Variants in MOCS3 observed in about 807,000 individuals in gnomAD.
MOCS3 encodes adenylyltransferase and sulfurtransferase MOCS3.
A neutral mutation model predicts 8.4 loss-of-function variants in MOCS3; 9 were observed. The observed-to-expected ratio is 1.07, with a 90% confidence interval of 0.65 to 1.87. MOCS3 has a LOEUF of 1.87. Ranked by LOEUF, MOCS3 falls within the 40% of genes most tolerant of loss-of-function variation. The pLI, the probability that MOCS3 is intolerant of heterozygous loss-of-function variation, is 0.00. For synonymous variants in MOCS3, 294 were observed against 272.0 expected (o/e 1.08, Z -0.80); for missense variants, 581 against 599.7 (o/e 0.97, Z 0.33).
At position 50,963,908 on chromosome 20, in the gene MOCS3, A is replaced by T. The variant is rs1987147649; in HGVS notation, c.*3683A>T. 6.6e-6 allele frequency: 1 copy of T among 152,224 alleles called. No individual in the cohort carries two copies. Among genetic ancestry groups the T allele is most frequent in the Admixed American group, 6.5e-5 (1 of 15,282 alleles). 9.4% of individuals were successfully genotyped at this position (152,224 alleles called of 1,614,324 possible). A position where few individuals can be genotyped will look rare whatever the true frequency, so the allele number is the denominator to read the frequency against. On this transcript the variant is annotated 3_prime_UTR_variant, in exon 1 of 1. Transcript: ENST00000244051. ...TGACAATCACGGAAGTGTATTCCAG[A>T]TACAATAGAAATGTACTCTGAGACA...
chr20:50,961,957 A>G lies in MOCS3; in HGVS notation c.*1732A>G, dbSNP rs1034644298. On this transcript the variant is annotated 3_prime_UTR_variant, in exon 1 of 1. Coordinates refer to ENST00000244051, the MANE Select transcript of MOCS3 (RefSeq NM_014484.5). ...AATAGCGACACACAGGAACAATTTC[A>G]TATTCTAAAGACTGAAGTCCTAAAG... is the stretch of plus-strand genomic sequence containing the variant. The G allele has an allele frequency of 6.6e-6, 1 of 152,226 alleles. No individual in the cohort carries two copies. Among genetic ancestry groups the G allele is most frequent in the Non-Finnish European group, 1.5e-5 (1 of 68,036 alleles). 9.4% of individuals were successfully genotyped at this position (152,226 alleles called of 1,614,324 possible).
chr20:50,959,815 C>G lies in MOCS3; in HGVS notation c.973C>G (p.Arg325Gly), dbSNP rs1485973137. ...TGGCTCCTCAGCCACTGATAAATGCCGCTCCCTGCAACTACTGAGCCCAGA... is the reference window on the plus strand; with the variant it reads ...TGGCTCCTCAGCCACTGATAAATGCGGCTCCCTGCAACTACTGAGCCCAGA... ...FCGSSATDKC[R>G]SLQLLSPEER... Residue 325 changes from arginine to glycine, a missense_variant, in exon 1 of 1, where the codon CGC becomes GGC. Arg to Gly is a moderately radical substitution (Grantham distance 125). Transcript: ENST00000244051. The G allele has an allele frequency of 9.3e-6, 15 of 1,614,242 alleles. No homozygotes were observed. The highest frequency in any genetic ancestry group is 1.3e-5 in the Non-Finnish European group (15 of 1,180,058).
rs569210727 is a variant in MOCS3 at position 50,959,707 on chromosome 20, C to G, written c.865C>G (p.Arg289Gly). Reference sequence around the variant, plus strand: ...CCTGAGAGGGCATTTCCGCTCTATTCGGCTGCGGAGCCGCAGGCTCGACTG... The same window carrying G: ...CCTGAGAGGGCATTTCCGCTCTATTGGGCTGCGGAGCCGCAGGCTCGACTG... ...DALRGHFRSI[R>G]LRSRRLDCAA... is the part of the protein sequence containing the mutation. Residue 289 changes from arginine (R) to glycine (G), a missense_variant, in exon 1 of 1, where the codon CGG (arginine) becomes GGG (glycine). Physicochemically the swap from Arg to Gly is moderately radical, Grantham distance 125. Transcript: ENST00000244051. 6.2e-7 allele frequency: 1 copy of G among 1,614,240 alleles called. No individual in the cohort carries two copies.
Position 50,959,699 on chromosome 20 carries a change from G to T in MOCS3, c.857G>T (p.Arg286Leu). 6.2e-7 allele frequency: 1 copy of T among 1,614,222 alleles called. No individual in the cohort carries two copies. The highest frequency in any genetic ancestry group is 8.5e-7 in the Non-Finnish European group (1 of 1,180,038). ...TTTGATGCCCTGAGAGGGCATTTCC[G>T]CTCTATTCGGCTGCGGAGCCGCAGG... is the stretch of plus-strand genomic sequence containing the variant. The part of the protein sequence containing the change: ...LLFDALRGHF[R>L]SIRLRSRRLD... The change falls in exon 1 of 1, where the codon CGC becomes CTC. Residue 286 changes from arginine to leucine, a missense_variant. Coordinates refer to ENST00000244051, the MANE Select transcript of MOCS3 (RefSeq NM_014484.5).
At position 50,959,247 on chromosome 20, in the gene MOCS3, G is replaced by A; in HGVS notation, c.405G>A (p.Gln135=). ...TGCATGGCGAGGCACTGGCTGGCCA[G>A]GCCAAGGCCTTTTCGGCCGCCGCCT... ...QVLHGEALAG[Q]AKAFSAAASL... is the part of the protein sequence containing the mutation. Residue 135 remains glutamine (Q), a synonymous_variant, in exon 1 of 1, where the codon CAG becomes CAA. Transcript: ENST00000244051. 6.2e-7 allele frequency: 1 copy of A among 1,610,750 alleles called. No homozygotes were observed. Among genetic ancestry groups the A allele is most frequent in the Non-Finnish European group, 8.5e-7 (1 of 1,179,388 alleles).
rs773283815 is a variant in MOCS3 at position 50,959,063 on chromosome 20, T to C, written c.221T>C (p.Val74Ala). ...CAGCTAGTGCTGCCCGAGCTGGGCGTGCACGGACAGCTGCGCCTGGGGACC... is the reference window on the plus strand; with the variant it reads ...CAGCTAGTGCTGCCCGAGCTGGGCGCGCACGGACAGCTGCGCCTGGGGACC... The part of the protein sequence containing the change: ...SRQLVLPELG[V>A]HGQLRLGTAC... The change falls in exon 1 of 1, where the codon GTG becomes GCG. Residue 74 changes from valine to alanine, a missense_variant. Transcript: ENST00000244051. The C allele has an allele frequency of 6.2e-7, 1 of 1,613,092 alleles. No homozygotes were observed. Among genetic ancestry groups the C allele is most frequent in the South Asian group, 1.1e-5 (1 of 91,048 alleles).
In MOCS3 at chr20:50,959,811, A is replaced by G. The variant is rs2235739; in HGVS notation, c.969A>G (p.Lys323=). The change falls in exon 1 of 1, where the codon AAA becomes AAG. Residue 323 remains lysine, a synonymous_variant. Transcript: ENST00000244051. ...EAFCGSSATD[K]CRSLQLLSPE... ...TCTGTGGCTCCTCAGCCACTGATAA[A>G]TGCCGCTCCCTGCAACTACTGAGCC... 2.7e-3 allele frequency: 4,415 copies of G among 1,614,198 alleles called. 196 individuals carry two copies. In the East Asian group the frequency reaches 0.084, roughly 31 times the overall value.
rs1328332335 is a variant in MOCS3, at chr20:50,962,944, G to C, written c.*2719G>C. On this transcript the variant is annotated 3_prime_UTR_variant, in exon 1 of 1. Coordinates refer to ENST00000244051, the MANE Select transcript of MOCS3 (RefSeq NM_014484.5). ...AACATAATTTGTTTTTTGAGACGAA[G>C]TCTTGCTTCGTCGCCCAGGGTGGAG... 2 of 152,200 alleles carry C rather than the reference G, an allele frequency of 1.3e-5. No homozygotes were observed. Among genetic ancestry groups the C allele is most frequent in the Non-Finnish European group, 2.9e-5 (2 of 68,044 alleles). 9.4% of individuals were successfully genotyped at this position (152,200 alleles called of 1,614,324 possible).
In MOCS3 at chr20:50,959,631, C is replaced by A. The variant is rs908707521; in HGVS notation, c.789C>A (p.Ile263=). 5 of 1,614,044 alleles carry A rather than the reference C, an allele frequency of 3.1e-6. No homozygotes were observed. In the African/African-American group the frequency reaches 5.3e-5, roughly 17 times the overall value. Residue 263 remains isoleucine, a synonymous_variant, in exon 1 of 1, where the codon ATC becomes ATA. Coordinates refer to ENST00000244051, the MANE Select transcript of MOCS3 (RefSeq NM_014484.5). The part of the protein sequence containing the change: ...GCLQALEVLK[I]AAGLGPSYSG... ...TGCAGGCCTTGGAAGTGCTGAAAAT[C>A]GCTGCGGGTCTGGGCCCCTCTTACA...
rs1473646680 is a variant in MOCS3, at chr20:50,962,939, A to G, written c.*2714A>G. 1 of 152,024 alleles carries G rather than the reference A, an allele frequency of 6.6e-6. No individual in the cohort carries two copies. The highest frequency in any genetic ancestry group is 1.5e-5 in the Non-Finnish European group (1 of 68,016). The allele number at this position is 152,024 out of a possible 1,614,324, so 9.4% of individuals were successfully genotyped here. A position where few individuals can be genotyped will look rare whatever the true frequency, so the allele number is the denominator to read the frequency against. On this transcript the variant is annotated 3_prime_UTR_variant, in exon 1 of 1. Coordinates refer to ENST00000244051, the MANE Select transcript of MOCS3 (RefSeq NM_014484.5). Reference sequence around the variant, plus strand: ...ATTTGAACATAATTTGTTTTTTGAGACGAAGTCTTGCTTCGTCGCCCAGGG... The same window carrying G: ...ATTTGAACATAATTTGTTTTTTGAGGCGAAGTCTTGCTTCGTCGCCCAGGG...
chr20:50,960,298 T>C lies in MOCS3; in HGVS notation c.*73T>C, dbSNP rs1481617282. The C allele has an allele frequency of 2.7e-6, 4 of 1,459,412 alleles. No homozygotes were observed. The highest frequency in any genetic ancestry group is 4.9e-5 in the Admixed American group (2 of 40,574). The allele number at this position is 1,459,412 out of a possible 1,614,324, so 90.4% of individuals were successfully genotyped here. ...TCAAAGATACACTTGTTTGCATTTT[T>C]CGGTAATATACATAGGAGCTGGGGA... On this transcript the variant is annotated 3_prime_UTR_variant, in exon 1 of 1. Transcript: ENST00000244051.
In MOCS3 at chr20:50,963,284, A is replaced by T. The variant is rs1987137812; in HGVS notation, c.*3059A>T. 1 of 152,130 alleles carries T rather than the reference A, an allele frequency of 6.6e-6. No individual in the cohort carries two copies. Among genetic ancestry groups the T allele is most frequent in the Non-Finnish European group, 1.5e-5 (1 of 68,044 alleles). The allele number at this position is 152,130 out of a possible 1,614,324, so 9.4% of individuals were successfully genotyped here. A position where few individuals can be genotyped will look rare whatever the true frequency, so the allele number is the denominator to read the frequency against. On this transcript the variant is annotated 3_prime_UTR_variant, in exon 1 of 1. Transcript: ENST00000244051. ...AACAAACATCAAATGCCTTCAGTGT[A>T]CTAGTTCTTCTAGGTTCTGGAATAA...
rs779317427 is a variant in MOCS3 at position 50,959,037 on chromosome 20, G to C, written c.195G>C (p.Arg65=). ...GAGATGAGATTCTGCGCTATAGCCG[G>C]CAGCTAGTGCTGCCCGAGCTGGGCG... is the stretch of plus-strand genomic sequence containing the variant. ...LSRDEILRYS[R]QLVLPELGVH... Residue 65 remains arginine, a synonymous_variant, in exon 1 of 1, where the codon CGG becomes CGC. Transcript: ENST00000244051. 1.2e-6 allele frequency: 2 copies of C among 1,612,668 alleles called. No homozygotes were observed. The highest frequency in any genetic ancestry group is 3.3e-5 in the Admixed American group (2 of 60,002).
Position 50,959,443 on chromosome 20 carries a change from G to C in MOCS3, c.601G>C (p.Val201Leu). 1.9e-6 allele frequency: 3 copies of C among 1,613,890 alleles called. No homozygotes were observed. The highest frequency in any genetic ancestry group is 2.5e-6 in the Non-Finnish European group (3 of 1,180,026). The change falls in exon 1 of 1, where the codon GTG (valine) becomes CTG (leucine). Residue 201 changes from valine to leucine, a missense_variant. Transcript: ENST00000244051. ...ATGTGTGCTGGCGGGTCGGCCCCTC[G>C]TGTCTGCCAGTGCCTTGCGCTTCGA... ...DACVLAGRPL[V>L]SASALRFEGQ...
In MOCS3 at chr20:50,958,863, A is replaced by C. The variant is rs45500701; in HGVS notation, c.21A>C (p.Val7=). Reference sequence around the variant, plus strand: ...TCGCCATGGCTTCCCGGGAGGAGGTACTCGCCTTACAAGCTGAAGTTGCCC... The same window carrying C: ...TCGCCATGGCTTCCCGGGAGGAGGTCCTCGCCTTACAAGCTGAAGTTGCCC... MASREE[V]LALQAEVAQR... is the part of the protein sequence containing the mutation. The change falls in exon 1 of 1, where the codon GTA becomes GTC. Residue 7 remains valine (V), a synonymous_variant. Coordinates refer to ENST00000244051, the MANE Select transcript of MOCS3 (RefSeq NM_014484.5). 1.1e-3 allele frequency: 1,802 copies of C among 1,595,124 alleles called. 2 individuals are homozygous for C. Among genetic ancestry groups the C allele is most frequent in the Non-Finnish European group, 1.5e-3 (1,692 of 1,166,066 alleles).
At position 50,960,372 on chromosome 20, in the gene MOCS3, A is replaced by C. The variant is rs1396697088; in HGVS notation, c.*147A>C. 1 of 825,890 alleles carries C rather than the reference A, an allele frequency of 1.2e-6. No individual in the cohort carries two copies. Among genetic ancestry groups the C allele is most frequent in the African/African-American group, 1.7e-5 (1 of 57,804 alleles). 51.2% of individuals were successfully genotyped at this position (825,890 alleles called of 1,614,324 possible). A position where few individuals can be genotyped will look rare whatever the true frequency, so the allele number is the denominator to read the frequency against. The stretch of plus-strand genomic sequence containing the variant: ...GGACTCCTTTTTATAAGGAGTTTTA[A>C]AAATTGTTATGTATTGGATGAATGA... On this transcript the variant is annotated 3_prime_UTR_variant, in exon 1 of 1. Coordinates refer to ENST00000244051, the MANE Select transcript of MOCS3 (RefSeq NM_014484.5).
chr20:50,962,664 C>T lies in MOCS3; in HGVS notation c.*2439C>T, dbSNP rs1365781361. Reference sequence around the variant, plus strand: ...TCCCATGTTCAAGTGATTCTCATGCCTCAGCCTCCTGAGTAGCTGGGATTA... The same window carrying T: ...TCCCATGTTCAAGTGATTCTCATGCTTCAGCCTCCTGAGTAGCTGGGATTA... On this transcript the variant is annotated 3_prime_UTR_variant, in exon 1 of 1. Transcript: ENST00000244051. 1.3e-5 allele frequency: 2 copies of T among 152,278 alleles called. No individual in the cohort carries two copies. Among genetic ancestry groups the T allele is most frequent in the Admixed American group, 6.5e-5 (1 of 15,286 alleles). The allele number at this position is 152,278 out of a possible 1,614,324, so 9.4% of individuals were successfully genotyped here.
At position 50,958,819 on chromosome 20, in the gene MOCS3, C is replaced by A. The variant is rs987261808; in HGVS notation, c.-24C>A. 2.6e-6 allele frequency: 4 copies of A among 1,566,296 alleles called. No homozygotes were observed. The Admixed American group carries it at 5.6e-5, about 22-fold the overall frequency. On this transcript the variant is annotated 5_prime_UTR_variant, in exon 1 of 1. Transcript: ENST00000244051. ...AAGACGGAAGCGGAAATGCCTTTCA[C>A]GACAACTTCCGGAAGAGGTCGCCAT...
chr20:50,959,328 G>A lies in MOCS3; in HGVS notation c.486G>A (p.Thr162=), dbSNP rs1336322466. The change falls in exon 1 of 1, where the codon ACG becomes ACA. Residue 162 remains threonine, a synonymous_variant. Transcript: ENST00000244051. Reference sequence around the variant, plus strand: ...GCGTGCCGTACACTCAGGCCCTTACGCCAGCCACTGCCCTAGACCTGGTCC... The same window carrying A: ...GCGTGCCGTACACTCAGGCCCTTACACCAGCCACTGCCCTAGACCTGGTCC... The part of the protein sequence containing the change: ...VECVPYTQAL[T]PATALDLVRR... 6.2e-7 allele frequency: 1 copy of A among 1,609,874 alleles called. No individual in the cohort carries two copies. Among genetic ancestry groups the A allele is most frequent in the Non-Finnish European group, 8.5e-7 (1 of 1,178,352 alleles).
Sources: gnomAD v4.1 joint callset for allele counts on GRCh38, gnomAD v4.1.1 for gene constraint, MANE v1.5 for transcripts, NCBI Gene and HGNC (gene_info 2026-07-23, HGNC 2026-07-21) for gene names.